PCDHGA4: variants seen among roughly 807,000 people sequenced by gnomAD.
PCDHGA4 encodes protocadherin gamma-A4.
Under a neutral mutation model 54.6 loss-of-function variants are expected in PCDHGA4, and 38 were observed. The ratio of observed to expected loss-of-function variants is 0.70; its 90% CI spans 0.54 to 0.91. The LOEUF is 0.91. Ranked by LOEUF, PCDHGA4 falls within the 40% of genes least tolerant of loss-of-function variation. The probability of loss-of-function intolerance (pLI) is 0.00; values close to 1 mark genes in which losing one functional copy is unlikely to be tolerated. For synonymous variants in PCDHGA4, 511 were observed against 512.9 expected, an observed-to-expected ratio of 1.00 and a Z score of 0.05; for missense variants, 1,298 against 1,220.9, an observed-to-expected ratio of 1.06 and a Z score of -0.94.
intron 2 of PCDHGA4, among the ~76,000 whole-genome samples, chr5:141,498,956 A>G (rs547381859): frequency 2.4e-5 from 3 of 124,058 alleles, no homozygotes; most frequent in African/African-American, 6.3e-5. Context: ...AAAAAGAGAG[A>G]GAGGGAGGGA....
intron 2 of PCDHGA4, among the ~76,000 whole-genome samples, chr5:141,502,002 C>T (rs1434269040): frequency 1.3e-5 from 2 of 152,164 alleles, no homozygotes; most frequent in South Asian, 2.1e-4. Context: ...CCTGACAACC[C>T]GCATGCTCTC....
chr5:141,474,056 C>T (rs576482294), intron 1 of PCDHGA4, among the ~76,000 whole-genome samples: 37 of 152,136 alleles, frequency 2.4e-4, no homozygotes, highest in Non-Finnish European at 4.9e-4. Flanking sequence ...GATGACAGAG[C>T]GAGATCCTGC....
intron 1 of PCDHGA4, chr5:141,390,022 T>A (rs1206102918): frequency 2.5e-6 from 4 of 1,613,928 alleles, no homozygotes; most frequent in Non-Finnish European, 3.4e-6. Context: ...GCCTTGCGCC[T>A]GCGACGCTCC....
At chr5:141,409,200 T>A in intron 1 of PCDHGA4, 1 of 1,614,020 alleles carries the variant, frequency 6.2e-7, no homozygotes, top group Non-Finnish European at 8.5e-7. Flanking sequence ...CAGTGTAAAG[T>A]AATCATAGAA....
intron 1 of PCDHGA4, chr5:141,362,026 G>A: frequency 6.2e-7 from 1 of 1,608,520 alleles, no homozygotes; most frequent in Non-Finnish European, 8.5e-7. Context: ...CACAGCGCGT[G>A]CCTTGGGCGA....
chr5:141,482,998 T>C (rs1458221945), intron 1 of PCDHGA4, among the ~76,000 whole-genome samples: 1 of 152,008 alleles, frequency 6.6e-6, no homozygotes, highest in Non-Finnish European at 1.5e-5. Flanking sequence ...GGCAGGAGAA[T>C]TGCTTGAACC....
At position 141,357,135 on chromosome 5, in the gene PCDHGA4, C is replaced by G. The variant is rs566379742; in HGVS notation, c.2028C>G (p.Val676=). Residue 676 remains valine (V), a synonymous_variant, in exon 1 of 4, where the codon GTC becomes GTG. Coordinates refer to ENST00000571252, the MANE Select transcript of PCDHGA4 (RefSeq NM_018917.4). The part of the protein sequence containing the change: ...RDALKQRLVV[V]VQDHGQPPLS... Reference sequence around the variant, plus strand: ...CGCTCAAGCAGAGGCTTGTAGTGGTCGTCCAGGACCATGGCCAGCCCCCTC... The same window carrying G: ...CGCTCAAGCAGAGGCTTGTAGTGGTGGTCCAGGACCATGGCCAGCCCCCTC... The G allele has an allele frequency of 1.9e-4, 305 of 1,613,504 alleles. 5 individuals are homozygous for G. The South Asian group carries it at 3.1e-3, about 16-fold the overall frequency.
intron 1 of PCDHGA4, chr5:141,410,849 C>CTTTTTTTTTTTTTTGTTTTTTTT (rs2095434772): frequency 7.7e-6 from 1 of 129,786 alleles, no homozygotes; most frequent in Admixed American, 1.1e-4. Flanking sequence ...TTGTCTTTGT[C>CTTTTTTTTTTTTTTGTTTTTTTT]TTTTTTTTTT....
intron 1 of PCDHGA4, chr5:141,371,345 T>C (rs1417902000): frequency 1.2e-6 from 2 of 1,613,878 alleles, no homozygotes; most frequent in Admixed American, 1.7e-5. Flanking sequence ...GCTACACAAT[T>C]GGGGTGGAAG....
At chr5:141,418,935 A>T (rs1424307952) in intron 1 of PCDHGA4, 2 of 1,613,834 alleles carry the variant, frequency 1.2e-6, no homozygotes, top group Admixed American at 3.3e-5. Context: ...ATTATGGAGG[A>T]TTCCCCTCCA....
chr5:141,487,771 T>C lies in PCDHGA4; in HGVS notation c.2515-7036T>C. The C allele has an allele frequency of 1.3e-6, 2 of 1,537,446 alleles. No homozygotes were observed. Among genetic ancestry groups the C allele is most frequent in the South Asian group, 2.4e-5 (2 of 82,456 alleles). ...ACTATGTGGTAGACGCTGTGCTTTGTAACTGTTTCGTGAATTAACCAGAGT... is the reference window on the plus strand; with the variant it reads ...ACTATGTGGTAGACGCTGTGCTTTGCAACTGTTTCGTGAATTAACCAGAGT... On this transcript the variant is annotated intron_variant, in intron 1 of 3. Coordinates refer to ENST00000571252, the MANE Select transcript of PCDHGA4 (RefSeq NM_018917.4). This position sits in a 1 kb window ranked among gnomAD's most constrained non-coding sequence, Gnocchi z 5.0.
intron 1 of PCDHGA4, chr5:141,371,022 C>T (rs758259761): frequency 1.2e-4 from 200 of 1,613,906 alleles, no homozygotes; most frequent in Non-Finnish European, 1.6e-4. Flanking sequence ...ACATCACCAC[C>T]TGGTCCTCAC....
chr5:141,380,538 A>G (rs1365489089), intron 1 of PCDHGA4, among the ~76,000 whole-genome samples: 3 of 152,246 alleles, frequency 2.0e-5, no homozygotes, highest in Non-Finnish European at 4.4e-5. Flanking sequence ...TCAATTTGAT[A>G]CAATGAGCTT....
chr5:141,394,196 C>T, intron 1 of PCDHGA4: 1 of 1,613,910 alleles, frequency 6.2e-7, no homozygotes, highest in Non-Finnish European at 8.5e-7. Flanking sequence ...CAGCGTATAT[C>T]CTAGAGAACA....
intron 1 of PCDHGA4, among the ~76,000 whole-genome samples, chr5:141,482,866 G>A (rs768388750): frequency 2.7e-5 from 4 of 150,296 alleles, no homozygotes; most frequent in Non-Finnish European, 4.4e-5. Flanking sequence ...GAGGTCAGGA[G>A]TTTGAAACCA....
intron 1 of PCDHGA4, among the ~76,000 whole-genome samples, chr5:141,462,783 T>C (rs1313584666): frequency 6.6e-6 from 1 of 152,236 alleles, no homozygotes; most frequent in Non-Finnish European, 1.5e-5. Flanking sequence ...CATAATTTGT[T>C]GCTTATTTGC....
chr5:141,431,354 G>C lies in PCDHGA4; in HGVS notation c.2515-63453G>C. 6.2e-7 allele frequency: 1 copy of C among 1,614,036 alleles called. No individual in the cohort carries two copies. Among genetic ancestry groups the C allele is most frequent in the Non-Finnish European group, 8.5e-7 (1 of 1,180,038 alleles). ...GTACCCCGAATTGGTGCTGAAACGC[G>C]CCCTGGACCGCGAAGAAAAGGCTGC... On this transcript the variant is annotated intron_variant, in intron 1 of 3. Transcript: ENST00000571252. This position sits in a 1 kb window ranked among gnomAD's most constrained non-coding sequence, Gnocchi z 4.8.
chr5:141,466,669 C>T lies in PCDHGA4; in HGVS notation c.2515-28138C>T, dbSNP rs529252130. The stretch of plus-strand genomic sequence containing the variant: ...TTTCACAAAACATCAGTGATTTCAC[C>T]GTTCTTCCACTCAAGCTTCATCATA... On this transcript the variant is annotated intron_variant, in intron 1 of 3. Transcript: ENST00000571252. Among the ~76,000 whole-genome samples the T allele has an allele frequency of 8.5e-5, 13 of 152,278 alleles. No homozygotes were observed. The East Asian group carries it at 9.6e-4, about 11-fold the overall frequency.
At chr5:141,455,244 T>A (rs977940552) in intron 1 of PCDHGA4, among the ~76,000 whole-genome samples, 4 of 152,142 alleles carry the variant, frequency 2.6e-5, no homozygotes, top group Non-Finnish European at 4.4e-5. Flanking sequence ...TTAAAGGTCA[T>A]AGTACAATCG....
Sources: gnomAD v4.1 joint callset for allele counts (sites outside exome capture counted in the v4.1 genomes callset) on GRCh38, gnomAD v4.1.1 for gene constraint, Gnocchi (gnomAD v3.1) non-coding constraint, MANE v1.5 for transcripts, NCBI Gene and HGNC (gene_info 2026-07-23, HGNC 2026-07-21) for gene names.